Variants in NKAIN2 observed in about 807,000 individuals in gnomAD.
NKAIN2 encodes sodium/potassium transporting ATPase interacting 2, also known as sodium/potassium-transporting ATPase subunit beta-1-interacting protein 2.
NKAIN2 carries 14 observed loss-of-function variants against 32.6 expected under a neutral mutation model. That is an observed-to-expected ratio of 0.43 (90% confidence interval 0.28 to 0.67). The LOEUF (loss-of-function observed/expected upper bound fraction) is 0.67, where lower values mean the gene tolerates loss of function less well. Ranked by LOEUF, NKAIN2 falls within the 30% of genes least tolerant of loss-of-function variation. NKAIN2 has a pLI of 0.17. For missense variants in NKAIN2, 198 were observed against 258.3 expected, an observed-to-expected ratio of 0.77 and a Z score of 1.60; for synonymous variants, 80 against 87.2, an observed-to-expected ratio of 0.92 and a Z score of 0.46.
chr6:124,451,484 G>A (rs981106271), intron 3 of NKAIN2, among the ~76,000 whole-genome samples: 9 of 152,242 alleles, frequency 5.9e-5, no homozygotes, highest in African/African-American at 1.9e-4. Context: ...GGGAAGACCC[G>A]ATCTGGAGTA....
intron 1 of NKAIN2, among the ~76,000 whole-genome samples, chr6:124,037,974 G>A (rs2114802240): frequency 6.6e-6 from 1 of 152,258 alleles, no homozygotes; most frequent in Non-Finnish European, 1.5e-5. Context: ...CAGCAAGATT[G>A]AATGGATAAA....
intron 3 of NKAIN2, among the ~76,000 whole-genome samples, chr6:124,630,767 G>A (rs1303366348): frequency 6.6e-6 from 1 of 151,998 alleles, no homozygotes; most frequent in East Asian, 1.9e-4. Context: ...ACTCAACTGG[G>A]GAGAAATCAA....
chr6:124,694,442 G>A (rs934315832), intron 4 of NKAIN2, among the ~76,000 whole-genome samples: 2 of 152,146 alleles, frequency 1.3e-5, no homozygotes, highest in South Asian at 2.1e-4. Flanking sequence ...AATTAGCACC[G>A]GCTGATTGAG....
At chr6:124,613,074 A>T (rs1782751199) in intron 3 of NKAIN2, among the ~76,000 whole-genome samples, 1 of 152,186 alleles carries the variant, frequency 6.6e-6, no homozygotes, top group African/African-American at 2.4e-5. Context: ...TACCCAAAGC[A>T]TGAACGTGTT....
rs367985786 is a variant in NKAIN2 at position 124,239,059 on chromosome 6, T to C, written c.55-43946T>C. The stretch of plus-strand genomic sequence containing the variant: ...CACACATAGGCTCAAAATAAAGGGA[T>C]GGAGGAATATTTACCAAGCAAAAAC... On this transcript the variant is annotated intron_variant, in intron 1 of 6. Transcript: ENST00000368417. Among the ~76,000 whole-genome samples, 4 of 151,958 alleles carry C rather than the reference T, an allele frequency of 2.6e-5. No individual in the cohort carries two copies. In the East Asian group the frequency reaches 5.8e-4, roughly 22 times the overall value.
chr6:124,784,694 T>C (rs921990177), intron 4 of NKAIN2, among the ~76,000 whole-genome samples: 4 of 152,176 alleles, frequency 2.6e-5, no homozygotes, highest in Non-Finnish European at 5.9e-5. Context: ...CATATTAGTG[T>C]ACAGGTTTTT....
intron 1 of NKAIN2, among the ~76,000 whole-genome samples, chr6:123,947,466 A>G (rs978177200): frequency 6.6e-6 from 1 of 152,068 alleles, no homozygotes; most frequent in Non-Finnish European, 1.5e-5. Flanking sequence ...ACTCCCCTAT[A>G]CTGTATACCA....
At chr6:124,467,543 T>C (rs1382673049) in intron 3 of NKAIN2, among the ~76,000 whole-genome samples, 1 of 152,050 alleles carries the variant, frequency 6.6e-6, no homozygotes, top group Non-Finnish European at 1.5e-5. Flanking sequence ...CTGTGTTCTG[T>C]TTATAAGTTG....
intron 5 of NKAIN2, among the ~76,000 whole-genome samples, chr6:124,798,862 C>T (rs1272949726): frequency 2.0e-5 from 3 of 152,116 alleles, no homozygotes; most frequent in South Asian, 4.1e-4. Flanking sequence ...TAGTAGGAGA[C>T]ACCATCAAGA....
At chr6:124,161,899 T>C (rs1202915597) in intron 1 of NKAIN2, among the ~76,000 whole-genome samples, 2 of 152,048 alleles carry the variant, frequency 1.3e-5, no homozygotes, top group African/African-American at 4.8e-5. Flanking sequence ...TCACACCATA[T>C]ACTCATGTAA....
chr6:124,053,391 CTCT>C (rs1278737920), intron 1 of NKAIN2, among the ~76,000 whole-genome samples: 29 of 152,200 alleles, frequency 1.9e-4, no homozygotes, highest in African/African-American at 6.3e-4. Flanking sequence ...AATCACACAT[CTCT>C]TCTTTGTCTG....
chr6:124,219,814 T>A (rs1472474465), intron 1 of NKAIN2, among the ~76,000 whole-genome samples: 2 of 152,266 alleles, frequency 1.3e-5, no homozygotes, highest in African/African-American at 4.8e-5. Flanking sequence ...TTTATTCCTA[T>A]ATCCTTATAT....
chr6:124,083,076 A>G (rs1784045611), intron 1 of NKAIN2, among the ~76,000 whole-genome samples: 2 of 151,776 alleles, frequency 1.3e-5, no homozygotes, highest in African/African-American at 4.8e-5. Context: ...ACATCCTCAT[A>G]TGCCTTTTTA....
chr6:124,316,412 T>C (rs1191961865), intron 2 of NKAIN2, among the ~76,000 whole-genome samples: 1 of 152,070 alleles, frequency 6.6e-6, no homozygotes, highest in African/African-American at 2.4e-5. Flanking sequence ...GATGGATCCA[T>C]GGTTAGGATC....
At chr6:124,601,613 T>A (rs141064458) in intron 3 of NKAIN2, among the ~76,000 whole-genome samples, 54 of 152,140 alleles carry the variant, frequency 3.5e-4, no homozygotes, top group African/African-American at 1.3e-3. Flanking sequence ...GTGCATTGTG[T>A]CTGAAGAGTG....
chr6:123,827,157 A>G (rs980354425), intron 1 of NKAIN2, among the ~76,000 whole-genome samples: 1 of 152,118 alleles, frequency 6.6e-6, no homozygotes, highest in Non-Finnish European at 1.5e-5. Context: ...AGAAATGTCT[A>G]TTCAAGTCCT....
chr6:124,086,126 A>T (rs1241281934), intron 1 of NKAIN2, among the ~76,000 whole-genome samples: 1 of 151,934 alleles, frequency 6.6e-6, no homozygotes, highest in Non-Finnish European at 1.5e-5. Context: ...AAGGCTCAAC[A>T]TAGTTTCAAT....
At chr6:123,907,984 T>G (rs919556015) in intron 1 of NKAIN2, among the ~76,000 whole-genome samples, 1 of 152,188 alleles carries the variant, frequency 6.6e-6, no homozygotes, top group African/African-American at 2.4e-5. Context: ...GCCCTGTATT[T>G]TGTTGCCATG....
chr6:124,020,094 T>G (rs1460540843), intron 1 of NKAIN2, among the ~76,000 whole-genome samples: 3 of 152,122 alleles, frequency 2.0e-5, no homozygotes, highest in Non-Finnish European at 4.4e-5. Flanking sequence ...TCCTTCCTTA[T>G]GATATTTGAA....
Sources: gnomAD v4.1 joint callset for allele counts (sites outside exome capture counted in the v4.1 genomes callset) on GRCh38, gnomAD v4.1.1 for gene constraint, MANE v1.5 for transcripts, NCBI Gene and HGNC (gene_info 2026-07-23, HGNC 2026-07-21) for gene names.